Variants in SHISA9 observed in about 807,000 individuals in gnomAD.
The protein encoded by SHISA9 is protein shisa-9.
Under a neutral mutation model 38.0 loss-of-function variants are expected in SHISA9, and 13 were observed. The observed-to-expected ratio is 0.34, with a 90% CI of 0.22 to 0.54. SHISA9 has a LOEUF of 0.54. Ranked by LOEUF, SHISA9 falls within the 20% of genes least tolerant of loss-of-function variation. The pLI, the probability that SHISA9 is intolerant of heterozygous loss-of-function variation, is 0.91. For synonymous variants in SHISA9, 275 were observed against 242.0 expected, an observed-to-expected ratio of 1.14 and a Z score of -1.27; for missense variants, 538 against 575.8, an observed-to-expected ratio of 0.93 and a Z score of 0.67.
the SHISA9 span, among the ~76,000 whole-genome samples, chr16:13,561,189 A>G: frequency 1.3e-5 from 2 of 152,120 alleles, no homozygotes; most frequent in Non-Finnish European, 2.9e-5. Context: ...TGAATATCAT[A>G]TGTACACTAG....
intron 4 of SHISA9, among the ~76,000 whole-genome samples, chr16:13,232,446 TAAAAG>T (rs754466407): frequency 4.6e-5 from 7 of 151,906 alleles, no homozygotes; most frequent in East Asian, 1.9e-4. Flanking sequence ...ATAAAAAAAT[TAAAAG>T]AAAAGAAAAG....
At chr16:13,330,860 T>G in the SHISA9 span, among the ~76,000 whole-genome samples, 1 of 152,146 alleles carries the variant, frequency 6.6e-6, no homozygotes, top group Non-Finnish European at 1.5e-5. Flanking sequence ...TAGCCCATAC[T>G]CCACTCATCA....
chr16:13,325,165 T>A, the SHISA9 span, among the ~76,000 whole-genome samples: 1 of 152,234 alleles, frequency 6.6e-6, no homozygotes, highest in Non-Finnish European at 1.5e-5. Context: ...CTCTACAGAA[T>A]GCAAATTTTC....
At chr16:13,537,231 C>A in the SHISA9 span, among the ~76,000 whole-genome samples, 5 of 152,024 alleles carry the variant, frequency 3.3e-5, no homozygotes, top group Non-Finnish European at 5.9e-5. Context: ...AGTTGAAGAC[C>A]AGCCTGGCCC....
chr16:13,556,588 G>A, the SHISA9 span, among the ~76,000 whole-genome samples: 2 of 151,864 alleles, frequency 1.3e-5, no homozygotes, highest in African/African-American at 2.4e-5. Context: ...GCGTGAACCC[G>A]GGAGGCAGAG....
chr16:13,552,030 A>G, the SHISA9 span, among the ~76,000 whole-genome samples: 1 of 151,644 alleles, frequency 6.6e-6, no homozygotes, highest in African/African-American at 2.4e-5. Flanking sequence ...CCATCTGAAA[A>G]GAAAAAAAAA....
chr16:13,011,584 C>A (rs2072675802), intron 2 of SHISA9, among the ~76,000 whole-genome samples: 2 of 151,930 alleles, frequency 1.3e-5, no homozygotes, highest in South Asian at 4.2e-4. Context: ...TGCAGTGGTG[C>A]CATCTCGGCT....
At chr16:13,221,498 T>C (rs905555939) in intron 4 of SHISA9, among the ~76,000 whole-genome samples, 1 of 151,888 alleles carries the variant, frequency 6.6e-6, no homozygotes, top group Non-Finnish European at 1.5e-5. Context: ...TAATTCAGCT[T>C]GTGAAGAAGA....
chr16:12,951,617 T>C lies in SHISA9; in HGVS notation c.691+34802T>C, dbSNP rs1222398950. Among the ~76,000 whole-genome samples the C allele has an allele frequency of 3.9e-5, 6 of 152,320 alleles. No homozygotes were observed. In the East Asian group the frequency reaches 1.2e-3, roughly 29 times the overall value. ...AACTGTTAGCAGCCAGTACTCATATTGGCTGGGGATGGCGGTGGGGGAGGG... is the reference window on the plus strand; with the variant it reads ...AACTGTTAGCAGCCAGTACTCATATCGGCTGGGGATGGCGGTGGGGGAGGG... On this transcript the variant is annotated intron_variant, in intron 2 of 4. Coordinates refer to ENST00000558583, the MANE Select transcript of SHISA9 (RefSeq NM_001145204.3).
intron 2 of SHISA9, among the ~76,000 whole-genome samples, chr16:13,196,983 C>T (rs537564718): frequency 2.0e-5 from 3 of 152,162 alleles, no homozygotes; most frequent in South Asian, 4.1e-4. Context: ...AATCCAGCTA[C>T]TCGGAGGCTG....
the SHISA9 span, among the ~76,000 whole-genome samples, chr16:13,372,642 C>G: frequency 1.3e-5 from 2 of 152,202 alleles, no homozygotes; most frequent in Admixed American, 1.3e-4. Flanking sequence ...TTTCAGTTCT[C>G]AGTATTCACT....
At chr16:13,537,901 T>C in the SHISA9 span, among the ~76,000 whole-genome samples, 1 of 152,194 alleles carries the variant, frequency 6.6e-6, no homozygotes, top group South Asian at 2.1e-4. Flanking sequence ...TGTCAAAATA[T>C]TGTACCTATA....
chr16:13,093,835 A>G (rs1195534386), intron 2 of SHISA9, among the ~76,000 whole-genome samples: 1 of 152,200 alleles, frequency 6.6e-6, no homozygotes, highest in Non-Finnish European at 1.5e-5. Context: ...AGGGCAAACT[A>G]GTTCAGATGC....
chr16:13,073,876 G>A (rs943397235), intron 2 of SHISA9, among the ~76,000 whole-genome samples: 5 of 152,036 alleles, frequency 3.3e-5, no homozygotes, highest in African/African-American at 7.2e-5. Flanking sequence ...CCTGCAGCGC[G>A]TCCAGAAGAA....
the SHISA9 span, among the ~76,000 whole-genome samples, chr16:13,357,677 C>T: frequency 4.5e-4 from 69 of 152,160 alleles, 1 homozygote; most frequent in African/African-American, 1.4e-3. Flanking sequence ...AAAAGAGAGT[C>T]AGCGAAGGGA....
chr16:13,233,172 T>C (rs566181110), intron 4 of SHISA9, among the ~76,000 whole-genome samples: 8 of 152,150 alleles, frequency 5.3e-5, no homozygotes, highest in Non-Finnish European at 1.2e-4. Context: ...ATTTATGGTT[T>C]GTAGGATATG....
At chr16:13,192,342 A>G (rs2050893233) in intron 2 of SHISA9, among the ~76,000 whole-genome samples, 1 of 152,180 alleles carries the variant, frequency 6.6e-6, no homozygotes, top group Admixed American at 6.5e-5. Context: ...ATGCCCATGT[A>G]ACAAATATGC....
At chr16:13,062,841 C>G (rs1209003647) in intron 2 of SHISA9, among the ~76,000 whole-genome samples, 1 of 151,874 alleles carries the variant, frequency 6.6e-6, no homozygotes, top group Admixed American at 6.6e-5. Flanking sequence ...TTCTTGGTGC[C>G]CCTGTAAGTT....
At chr16:13,320,646 C>G in the SHISA9 span, among the ~76,000 whole-genome samples, 1 of 152,234 alleles carries the variant, frequency 6.6e-6, no homozygotes, top group South Asian at 2.1e-4. Context: ...GAGATCAAGT[C>G]TTACCCCTGG....
Sources: allele counts gnomAD v4.1 joint callset (sites outside exome capture counted in the v4.1 genomes callset), GRCh38; gene constraint gnomAD v4.1.1; transcripts MANE v1.5; gene names NCBI Gene and HGNC (gene_info 2026-07-23, HGNC 2026-07-21).